SOX5: variants seen among roughly 807,000 people sequenced by gnomAD.
SOX5 encodes transcription factor SOX-5.
In SOX5, 9 loss-of-function variants were observed where a neutral mutation model predicts 92.0. The ratio of observed to expected loss-of-function variants is 0.10; its 90% CI spans 0.06 to 0.17. The LOEUF (loss-of-function observed/expected upper bound fraction) is 0.17, where lower values mean the gene tolerates loss of function less well. Among genes scored for constraint, SOX5 ranks in the 10% least tolerant of loss-of-function variants. The pLI is 1.00. For synonymous variants in SOX5, 344 were observed against 336.3 expected (o/e 1.02, Z -0.25); for missense variants, 642 against 944.5 (o/e 0.68, Z 4.20).
At chr12:24,344,345 T>C (rs893936316) in intron 2 of SOX5, among the ~76,000 whole-genome samples, 48 of 151,688 alleles carry the variant, frequency 3.2e-4, no homozygotes, top group African/African-American at 1.1e-3. Flanking sequence ...TAAAATTCCT[T>C]TTAAGTTCCT....
At chr12:24,173,918 T>G (rs1235657584) in intron 4 of SOX5, among the ~76,000 whole-genome samples, 1 of 152,138 alleles carries the variant, frequency 6.6e-6, no homozygotes, top group African/African-American at 2.4e-5. Context: ...AAAGTGCAAT[T>G]TCCTGGGAAC....
chr12:23,792,622 C>CAA lies in SOX5; in HGVS notation c.482-36900_482-36899dup, dbSNP rs749845598. On this transcript the variant is annotated intron_variant, in intron 3 of 14. Transcript: ENST00000451604. ...TGGGCAATAGAGTGAGGCTCTGTCT[C>CAA]AAAAAAAAAAAAAAAAAAAAAAAAA... is the stretch of plus-strand genomic sequence containing the variant. Among the ~76,000 whole-genome samples the CAA allele has an allele frequency of 1.8e-3, 71 of 38,966 alleles. 7 individuals are homozygous for CAA. The highest frequency in any genetic ancestry group is 1.8e-3 in the Non-Finnish European group (47 of 26,120). 25.6% of individuals were successfully genotyped at this position (38,966 alleles called of 152,430 possible).
At chr12:23,955,408 T>C (rs1233738922), upstream of SOX5, among the ~76,000 whole-genome samples, 1 of 152,150 alleles carries the variant, frequency 6.6e-6, no homozygotes, top group African/African-American at 2.4e-5. Context: ...TTTGGCTCTA[T>C]TTTTAAGAAT....
chr12:24,161,371 G>T (rs1420237721), intron 4 of SOX5, among the ~76,000 whole-genome samples: 1 of 152,042 alleles, frequency 6.6e-6, no homozygotes, highest in Non-Finnish European at 1.5e-5. Flanking sequence ...AAGCAGAAAT[G>T]TCACATAGGC....
intron 1 of SOX5, among the ~76,000 whole-genome samples, chr12:24,561,094 C>T (rs967946987): frequency 2.6e-5 from 4 of 152,276 alleles, no homozygotes; most frequent in South Asian, 2.1e-4. Context: ...TTATGCCTTC[C>T]TTGACAAAGT....
intron 2 of SOX5, among the ~76,000 whole-genome samples, chr12:23,881,333 C>T (rs1228109922): frequency 6.6e-6 from 1 of 152,190 alleles, no homozygotes; most frequent in Non-Finnish European, 1.5e-5. Flanking sequence ...CTTTGGCCCC[C>T]TCTTTTTCTC....
chr12:24,320,279 A>C (rs1362119346), intron 2 of SOX5, among the ~76,000 whole-genome samples: 1 of 152,206 alleles, frequency 6.6e-6, no homozygotes, highest in Non-Finnish European at 1.5e-5. Context: ...TAACCCAAAT[A>C]AGTAGCTTTA....
chr12:23,792,330 A>G (rs1373032095), intron 3 of SOX5, among the ~76,000 whole-genome samples: 1 of 152,002 alleles, frequency 6.6e-6, no homozygotes, highest in African/African-American at 2.4e-5. Flanking sequence ...TAAGGCGATA[A>G]AAATCTCGGA....
At chr12:24,303,264 T>A (rs977142191) in intron 2 of SOX5, among the ~76,000 whole-genome samples, 15 of 152,214 alleles carry the variant, frequency 9.9e-5, no homozygotes, top group African/African-American at 3.1e-4. Flanking sequence ...GTTCAGATAT[T>A]CCTTAAAGTT....
intron 4 of SOX5, among the ~76,000 whole-genome samples, chr12:23,981,180 A>G (rs1190367486): frequency 1.3e-5 from 2 of 152,042 alleles, no homozygotes; most frequent in African/African-American, 2.4e-5. Context: ...TCCACAAGCT[A>G]CATACCTCCC....
chr12:24,259,074 GATTA>G (rs1294115871), intron 3 of SOX5, among the ~76,000 whole-genome samples: 2 of 152,168 alleles, frequency 1.3e-5, no homozygotes, highest in Non-Finnish European at 2.9e-5. Flanking sequence ...GTGCAAAATA[GATTA>G]ATTAATGTAC....
At chr12:23,722,893 G>T (rs1295142113) in intron 6 of SOX5, among the ~76,000 whole-genome samples, 3 of 152,232 alleles carry the variant, frequency 2.0e-5, no homozygotes, top group South Asian at 4.1e-4. Context: ...GGAGACACCA[G>T]CATTTTTCTT....
At chr12:24,532,557 C>A (rs553009352) in intron 1 of SOX5, among the ~76,000 whole-genome samples, 2 of 152,134 alleles carry the variant, frequency 1.3e-5, no homozygotes, top group African/African-American at 4.8e-5. Flanking sequence ...AAGACAAGGA[C>A]GATTTACAAC....
chr12:24,133,063 AT>A (rs1949797360), intron 4 of SOX5, among the ~76,000 whole-genome samples: 1 of 152,222 alleles, frequency 6.6e-6, no homozygotes. Context: ...GTTATATAAT[AT>A]TTCCAACACT....
At chr12:24,188,435 A>T (rs1057169514) in intron 4 of SOX5, among the ~76,000 whole-genome samples, 2 of 152,204 alleles carry the variant, frequency 1.3e-5, no homozygotes, top group Non-Finnish European at 2.9e-5. Context: ...ACAAGTATTT[A>T]TTCAATACTT....
intron 9 of SOX5, among the ~76,000 whole-genome samples, chr12:23,593,125 T>C (rs1221821458): frequency 1.3e-5 from 2 of 151,972 alleles, no homozygotes; most frequent in African/African-American, 2.4e-5. Flanking sequence ...TTAAAAAAAA[T>C]AGTTTTTCTA....
intron 2 of SOX5, chr12:24,357,199 T>C (rs980553813): frequency 6.6e-6 from 1 of 152,240 alleles, no homozygotes; most frequent in Admixed American, 6.5e-5. Context: ...GGGTTATTTA[T>C]CTTCCTGTAC....
intron 1 of SOX5, among the ~76,000 whole-genome samples, chr12:24,523,410 C>A (rs1483941592): frequency 6.6e-6 from 1 of 151,992 alleles, no homozygotes; most frequent in African/African-American, 2.4e-5. Context: ...CATGAACCCA[C>A]AAAAGAGCTC....
chr12:23,698,486 A>T lies in SOX5; in HGVS notation c.811-32922T>A, dbSNP rs138577582. ...CCCATCCAGTATTTTCAGATCTCTG[A>T]TATTGTACATTTTACCTCTGAAAGC... On this transcript the variant is annotated intron_variant, in intron 6 of 14. Coordinates refer to ENST00000451604, the MANE Select transcript of SOX5 (RefSeq NM_006940.6). Among the ~76,000 whole-genome samples the T allele has an allele frequency of 5.6e-3, 846 of 152,230 alleles. 2 individuals are homozygous for T. Among genetic ancestry groups the T allele is most frequent in the Non-Finnish European group, 8.9e-3 (602 of 68,004 alleles).
Sources: gnomAD v4.1 joint callset for allele counts (sites outside exome capture counted in the v4.1 genomes callset) on GRCh38, gnomAD v4.1.1 for gene constraint, MANE v1.5 for transcripts, NCBI Gene and HGNC (gene_info 2026-07-23, HGNC 2026-07-21) for gene names.